Variants in ATXN7L1 observed in about 807,000 individuals in gnomAD.
ATXN7L1 encodes ataxin-7-like protein 1.
A neutral mutation model predicts 70.8 loss-of-function variants in ATXN7L1; 15 were observed. That is an observed-to-expected ratio of 0.21 (90% CI 0.14 to 0.33). The LOEUF is 0.33. ATXN7L1 is among the 10% of genes least tolerant of loss of function. The probability of loss-of-function intolerance (pLI) is 1.00; values close to 1 mark genes in which losing one functional copy is unlikely to be tolerated. For missense variants in ATXN7L1, 975 were observed against 1,097.1 expected (o/e 0.89, Z 1.57); for synonymous variants, 440 against 445.1 (o/e 0.99, Z 0.14).
intron 2 of ATXN7L1, among the ~76,000 whole-genome samples, chr7:105,830,189 G>A (rs1047312303): frequency 6.6e-6 from 1 of 152,206 alleles, no homozygotes; most frequent in Non-Finnish European, 1.5e-5. Flanking sequence ...CCTATAACTG[G>A]AGCCTCTATG....
At chr7:105,874,195 T>C (rs72603541) in intron 2 of ATXN7L1, among the ~76,000 whole-genome samples, 5,757 of 149,928 alleles carry the variant, frequency 0.038, 446 homozygotes, top group East Asian at 0.29. Context: ...TCTTCTGAAA[T>C]AGAAACAGGG....
At chr7:105,619,957 G>A (rs745983541) in intron 9 of ATXN7L1, among the ~76,000 whole-genome samples, 4 of 152,064 alleles carry the variant, frequency 2.6e-5, no homozygotes, top group Non-Finnish European at 4.4e-5. Flanking sequence ...TTCTCATTTA[G>A]GAGATTACCA....
intron 2 of ATXN7L1, among the ~76,000 whole-genome samples, chr7:105,835,569 C>T (rs1812262034): frequency 6.6e-6 from 1 of 152,180 alleles, no homozygotes; most frequent in South Asian, 2.1e-4. Flanking sequence ...GCCTGAACTC[C>T]AGTAGACCAG....
chr7:105,732,952 G>A (rs1217212963), intron 3 of ATXN7L1, among the ~76,000 whole-genome samples: 2 of 152,140 alleles, frequency 1.3e-5, no homozygotes, highest in African/African-American at 2.4e-5. Flanking sequence ...TTGGGTCTCT[G>A]CTCAAATGAC....
intron 4 of ATXN7L1, chr7:105,649,603 A>C (rs1319045837): frequency 1.0e-6 from 1 of 987,416 alleles, no homozygotes; most frequent in African/African-American, 1.7e-5. Flanking sequence ...GTGCCATTGC[A>C]AGAGCCACCA....
At chr7:105,805,199 C>G (rs1807387250) in intron 2 of ATXN7L1, among the ~76,000 whole-genome samples, 1 of 152,224 alleles carries the variant, frequency 6.6e-6, no homozygotes, top group Admixed American at 6.5e-5. Context: ...GCAGAAAGGG[C>G]AAAGTGTGCT....
chr7:105,706,587 A>G (rs1315487138), intron 3 of ATXN7L1, among the ~76,000 whole-genome samples: 1 of 152,150 alleles, frequency 6.6e-6, no homozygotes, highest in Non-Finnish European at 1.5e-5. Context: ...ACAAAAACAA[A>G]AACAACAAAC....
intron 3 of ATXN7L1, among the ~76,000 whole-genome samples, chr7:105,687,775 CTG>C (rs1203167383): frequency 3.9e-5 from 6 of 152,272 alleles, no homozygotes; most frequent in African/African-American, 9.6e-5. Context: ...CCTCCTTGGG[CTG>C]TGTTTCAGAG....
chr7:105,829,308 C>T (rs903061940), intron 2 of ATXN7L1, among the ~76,000 whole-genome samples: 2 of 152,004 alleles, frequency 1.3e-5, no homozygotes, highest in African/African-American at 2.4e-5. Flanking sequence ...CTGGGCGTGG[C>T]GGCGTACACC....
chr7:105,630,748 A>G (rs1796475439), intron 7 of ATXN7L1, among the ~76,000 whole-genome samples: 1 of 129,772 alleles, frequency 7.7e-6, no homozygotes, highest in African/African-American at 2.8e-5. Flanking sequence ...ATAAATAAAT[A>G]AAAGAGACAC....
At chr7:105,789,241 A>G (rs897992620) in intron 2 of ATXN7L1, among the ~76,000 whole-genome samples, 2 of 152,234 alleles carry the variant, frequency 1.3e-5, no homozygotes, top group African/African-American at 4.8e-5. Context: ...ATTTGCTGCC[A>G]TCATTACCCA....
chr7:105,629,829 T>A (rs994333186), intron 7 of ATXN7L1, among the ~76,000 whole-genome samples: 11 of 150,936 alleles, frequency 7.3e-5, no homozygotes, highest in South Asian at 2.1e-4. Context: ...TATTATTATT[T>A]TTTTTTGAGA....
intron 4 of ATXN7L1, among the ~76,000 whole-genome samples, chr7:105,657,669 C>A (rs925528067): frequency 2.0e-4 from 28 of 137,628 alleles, no homozygotes; most frequent in African/African-American, 7.7e-4. Context: ...TGTACTCCAG[C>A]CGCAGCCTGG....
intron 3 of ATXN7L1, among the ~76,000 whole-genome samples, chr7:105,731,370 T>C (rs1221874296): frequency 6.6e-6 from 1 of 152,010 alleles, no homozygotes; most frequent in African/African-American, 2.4e-5. Context: ...ATATAAACTG[T>C]CTTAAAAAAT....
rs1819082126 is a variant in ATXN7L1 at position 105,875,632 on chromosome 7, C to CCCCA, written c.250+179_250+180insTGGG. Among the ~76,000 whole-genome samples, 6 of 123,350 alleles carry CCCCA rather than the reference C, an allele frequency of 4.9e-5. 1 individual carries two copies. In the South Asian group the frequency reaches 2.2e-3, roughly 46 times the overall value. 80.9% of individuals were successfully genotyped at this position (123,350 alleles called of 152,430 possible). A position where few individuals can be genotyped will look rare whatever the true frequency, so the allele number is the denominator to read the frequency against. On this transcript the variant is annotated intron_variant, in intron 2 of 11. Transcript: ENST00000419735. ...CAACAGTCTCACCCCCCTTTACCCC[C>CCCCA]CCCCCAGTTGTATTTATACTTTGAA...
At chr7:105,616,209 G>A (rs1371399615) in intron 9 of ATXN7L1, among the ~76,000 whole-genome samples, 1 of 152,146 alleles carries the variant, frequency 6.6e-6, no homozygotes, top group Non-Finnish European at 1.5e-5. Context: ...TGCCCCAGTG[G>A]GCTAGAACAC....
chr7:105,681,607 C>T (rs370509337), intron 3 of ATXN7L1, among the ~76,000 whole-genome samples: 100 of 152,220 alleles, frequency 6.6e-4, no homozygotes, highest in African/African-American at 2.3e-3. Flanking sequence ...TACCCACATT[C>T]ATAGCAGTAT....
At chr7:105,783,375 C>G (rs1307829445) in intron 3 of ATXN7L1, among the ~76,000 whole-genome samples, 1 of 152,192 alleles carries the variant, frequency 6.6e-6, no homozygotes, top group Non-Finnish European at 1.5e-5. Context: ...TCTTAGTCCT[C>G]AGTTTCCTGA....
At chr7:105,616,615 G>A (rs572167579) in intron 9 of ATXN7L1, among the ~76,000 whole-genome samples, 40 of 152,272 alleles carry the variant, frequency 2.6e-4, no homozygotes, top group African/African-American at 9.4e-4. Flanking sequence ...GTGAATGAAT[G>A]GATGGATGAA....
Sources: allele counts gnomAD v4.1 joint callset (sites outside exome capture counted in the v4.1 genomes callset), GRCh38; gene constraint gnomAD v4.1.1; transcripts MANE v1.5; gene names NCBI Gene and HGNC (gene_info 2026-07-23, HGNC 2026-07-21).